CNIH3: variants seen among roughly 807,000 people sequenced by gnomAD.
CNIH3 encodes protein cornichon homolog 3.
In CNIH3, 14 loss-of-function variants were observed where a neutral mutation model predicts 24.1. The ratio of observed to expected loss-of-function variants is 0.58; its 90% CI spans 0.38 to 0.91. The LOEUF (loss-of-function observed/expected upper bound fraction) is 0.91. CNIH3 is among the 40% of genes least tolerant of loss of function. CNIH3 has a pLI of 0.00. For missense variants in CNIH3, 178 were observed against 196.8 expected, an observed-to-expected ratio of 0.90 and a Z score of 0.57; for synonymous variants, 68 against 73.8, an observed-to-expected ratio of 0.92 and a Z score of 0.40.
chr1:224,690,025 G>A (rs1317873389), intron 3 of CNIH3, among the ~76,000 whole-genome samples: 1 of 152,100 alleles, frequency 6.6e-6, no homozygotes, highest in Non-Finnish European at 1.5e-5. Context: ...TGGGGAGGAG[G>A]CTGACTCCTG....
At chr1:224,715,374 C>T (rs895529505) in intron 3 of CNIH3, among the ~76,000 whole-genome samples, 21 of 152,106 alleles carry the variant, frequency 1.4e-4, no homozygotes, top group Non-Finnish European at 2.6e-4. Context: ...CTGTGTCCCC[C>T]ATCTTATCTC....
At chr1:224,435,449 T>C (rs762054619) in intron 1 of CNIH3, among the ~76,000 whole-genome samples, 13 of 152,302 alleles carry the variant, frequency 8.5e-5, no homozygotes, top group Non-Finnish European at 1.6e-4. Flanking sequence ...GCATATCTTA[T>C]GGGGACAAGA....
At chr1:224,581,970 G>C (rs1442909581) in intron 4 of CNIH3, among the ~76,000 whole-genome samples, 1 of 152,142 alleles carries the variant, frequency 6.6e-6, no homozygotes, top group Non-Finnish European at 1.5e-5. Context: ...GAGTGTGCGT[G>C]AGGTTGTAAC....
Position 224,453,045 on chromosome 1 carries a change from C to T in CNIH3, n.203+18183C>T, listed in dbSNP as rs1429798417. Among the ~76,000 whole-genome samples the T allele has an allele frequency of 2.7e-5, 4 of 148,552 alleles. No individual in the cohort carries two copies. The East Asian group carries it at 8.2e-4, about 31-fold the overall frequency. ...CTGAGGCAGGAGAATCACTTGAACC[C>T]AGGAGGCAGAGGTTGCAGTGAGCTG... On this transcript the variant is annotated intron_variant and non_coding_transcript_variant, in intron 1 of 5. Coordinates refer to the CNIH3 transcript ENST00000471578.
At chr1:224,434,700 GGCGGCGGGCGGCA>G in exon 1 of CNIH3, 1 of 948,008 alleles carries the variant, frequency 1.1e-6, no homozygotes, top group Middle Eastern at 5.4e-4. Context: ...CGGCGGCGGC[GGCGGCGGGCGGCA>G]GCGGAGGCAG....
At chr1:224,651,439 C>G (rs926368993) in intron 1 of CNIH3, among the ~76,000 whole-genome samples, 1 of 152,158 alleles carries the variant, frequency 6.6e-6, no homozygotes, top group African/African-American at 2.4e-5. Context: ...AAAAAAGTTG[C>G]AGTTTTTGTT....
rs1675813704 is a variant in CNIH3, at chr1:224,459,450, A to G, written n.203+24588A>G. On this transcript the variant is annotated intron_variant and non_coding_transcript_variant, in intron 1 of 5. Transcript: ENST00000471578. Reference sequence around the variant, plus strand: ...CCCAAGTATTTTCCTGTTCTCATCTATACTATGGCAAAGGGGCAAATACCT... The same window carrying G: ...CCCAAGTATTTTCCTGTTCTCATCTGTACTATGGCAAAGGGGCAAATACCT... Among the ~76,000 whole-genome samples, 5 of 152,196 alleles carry G rather than the reference A, an allele frequency of 3.3e-5. No individual in the cohort carries two copies. The South Asian group carries it at 1.0e-3, about 32-fold the overall frequency.
rs376617916 is a variant in CNIH3, at chr1:224,578,515, C to T, written n.517-4649C>T. 3.3e-5 allele frequency among the ~76,000 whole-genome samples: 5 copies of T among 152,184 alleles called. No homozygotes were observed. The South Asian group carries it at 8.3e-4, about 25-fold the overall frequency. On this transcript the variant is annotated intron_variant and non_coding_transcript_variant, in intron 4 of 5. Transcript: ENST00000471578. ...TCCTTGTTTTTGATCCCCTGTATTC[C>T]GTATCCATTGTCTTTCTCTTTCTTA...
intron 1 of CNIH3, among the ~76,000 whole-genome samples, chr1:224,631,142 G>T (rs562801504): frequency 3.3e-5 from 5 of 152,142 alleles, no homozygotes; most frequent in Admixed American, 3.3e-4. Flanking sequence ...TATCCTGGGC[G>T]ACAGAGTGAG....
chr1:224,484,373 T>C (rs993000809), intron 1 of CNIH3, among the ~76,000 whole-genome samples: 2 of 150,720 alleles, frequency 1.3e-5, no homozygotes, highest in African/African-American at 4.9e-5. Context: ...GAGCTTGCAG[T>C]GAGCCGAGAT....
intron 1 of CNIH3, among the ~76,000 whole-genome samples, chr1:224,677,170 C>T (rs1320240917): frequency 6.6e-6 from 1 of 152,090 alleles, no homozygotes; most frequent in East Asian, 1.9e-4. Context: ...CCATTTAATC[C>T]TTTGGGTGGT....
chr1:224,590,496 C>T (rs1482263833), downstream of CNIH3, among the ~76,000 whole-genome samples: 1 of 152,198 alleles, frequency 6.6e-6, no homozygotes, highest in Non-Finnish European at 1.5e-5. Context: ...TTTATTATCT[C>T]ACAGTTCTGG....
At chr1:224,735,355 G>A (rs1017104753) in intron 5 of CNIH3, among the ~76,000 whole-genome samples, 3 of 152,204 alleles carry the variant, frequency 2.0e-5, no homozygotes, top group African/African-American at 7.2e-5. Flanking sequence ...TAAACAGACT[G>A]TCTTGTGGTT....
chr1:224,600,373 G>T (rs1682156612), intron 3 of CNIH3, among the ~76,000 whole-genome samples: 1 of 152,026 alleles, frequency 6.6e-6, no homozygotes, highest in Admixed American at 6.6e-5. Context: ...TGTATTTTTA[G>T]TAGAGACGGT....
At chr1:224,708,502 C>G (rs534989053) in intron 3 of CNIH3, among the ~76,000 whole-genome samples, 4 of 152,192 alleles carry the variant, frequency 2.6e-5, no homozygotes, top group African/African-American at 9.7e-5. Context: ...TTGCACTCCC[C>G]GCCTGCGCTT....
chr1:224,456,394 A>T (rs953339246), intron 1 of CNIH3, among the ~76,000 whole-genome samples: 1 of 152,070 alleles, frequency 6.6e-6, no homozygotes, highest in Non-Finnish European at 1.5e-5. Context: ...ACATGTAAAG[A>T]TTCCCCTTTC....
chr1:224,440,800 A>C (rs1165218955), intron 1 of CNIH3, among the ~76,000 whole-genome samples: 3 of 151,390 alleles, frequency 2.0e-5, no homozygotes, highest in African/African-American at 7.3e-5. Context: ...TGAATTTTAC[A>C]GCTGTATACA....
chr1:224,652,244 G>A (rs1684892318), intron 1 of CNIH3, among the ~76,000 whole-genome samples: 1 of 152,048 alleles, frequency 6.6e-6, no homozygotes, highest in Non-Finnish European at 1.5e-5. Flanking sequence ...CCAGATGGGA[G>A]CAAGCAGATC....
At chr1:224,456,474 A>G (rs1367302168) in intron 1 of CNIH3, among the ~76,000 whole-genome samples, 1 of 152,142 alleles carries the variant, frequency 6.6e-6, no homozygotes, top group African/African-American at 2.4e-5. Context: ...GCGGTGGTGC[A>G]GTCACGGCTC....
Sources: allele counts gnomAD v4.1 joint callset (sites outside exome capture counted in the v4.1 genomes callset), GRCh38; gene constraint gnomAD v4.1.1; transcripts MANE v1.5; gene names NCBI Gene and HGNC (gene_info 2026-07-23, HGNC 2026-07-21).